Variants in ELK4 observed in about 807,000 individuals in gnomAD.
ELK4 encodes the protein ETS domain-containing protein Elk-4.
In ELK4, 16 loss-of-function variants were observed where a neutral mutation model predicts 29.6. The observed-to-expected ratio is 0.54, with a 90% confidence interval of 0.37 to 0.82. The LOEUF is 0.82. Ranked by LOEUF, ELK4 falls within the 40% of genes least tolerant of loss-of-function variation. ELK4 has a pLI of 0.00. For missense variants in ELK4, 465 were observed against 507.1 expected, an observed-to-expected ratio of 0.92 and a Z score of 0.80; for synonymous variants, 213 against 191.1, an observed-to-expected ratio of 1.11 and a Z score of -0.95.
chr1:205,613,524 C>A lies in ELK4; in HGVS notation c.*3022G>T. ...TCTGAGCCAACTGTGCACATCCTTT[C>A]TGAACTCTAAGGTGGTAGCTTGAAA... is the stretch of plus-strand genomic sequence containing the variant. On this transcript the variant is annotated 3_prime_UTR_variant, in exon 5 of 5. Transcript: ENST00000357992. 5.4e-6 allele frequency: 1 copy of A among 183,520 alleles called. No individual in the cohort carries two copies. Among genetic ancestry groups the A allele is most frequent in the Middle Eastern group, 2.0e-3 (1 of 504 alleles). 11.4% of individuals were successfully genotyped at this position (183,520 alleles called of 1,614,324 possible).
At chr1:205,628,285 G>A (rs748538426) in intron 1 of ELK4, among the ~76,000 whole-genome samples, 8 of 152,138 alleles carry the variant, frequency 5.3e-5, no homozygotes. Context: ...CCTAATGATG[G>A]CAAGTTACCG....
chr1:205,626,628 G>C (rs942227025), intron 1 of ELK4, among the ~76,000 whole-genome samples: 1 of 152,078 alleles, frequency 6.6e-6, no homozygotes, highest in Non-Finnish European at 1.5e-5. Flanking sequence ...AAAACCATCT[G>C]AGAAACCACT....
At chr1:205,622,487 G>A (rs1199825964) in intron 2 of ELK4, among the ~76,000 whole-genome samples, 1 of 152,134 alleles carries the variant, frequency 6.6e-6, no homozygotes, top group Non-Finnish European at 1.5e-5. Context: ...TCAACCACTT[G>A]AGCTTAAGTG....
chr1:205,616,564 T>C lies in ELK4; in HGVS notation c.1278A>G (p.Pro426=). ...DGPSTPGPFS[P]DLQKT ...GCATAGGTTATGTCTTCTGTAGGTC[T>C]GGGGAAAATGGGCCAGGGGTGGAAG... The change falls in exon 5 of 5, where the codon CCA becomes CCG. Residue 426 remains proline, a synonymous_variant. Transcript: ENST00000357992. 6.2e-7 allele frequency: 1 copy of C among 1,614,166 alleles called. No homozygotes were observed. Among genetic ancestry groups the C allele is most frequent in the Non-Finnish European group, 8.5e-7 (1 of 1,180,014 alleles).
chr1:205,631,484 G>C (rs1265330623), intron 1 of ELK4, 148 bp downstream of exon 1: 1 of 149,790 alleles, frequency 6.7e-6, no homozygotes, highest in Non-Finnish European at 1.5e-5. Flanking sequence ...CGGGCCGGGG[G>C]CGGACCCAAG....
Position 205,610,060 on chromosome 1 carries a change from G to A in ELK4, c.*6486C>T. On this transcript the variant is annotated 3_prime_UTR_variant, in exon 5 of 5. Transcript: ENST00000357992. ...AGTGCTAATATTGGTGCCCAAGAAA[G>A]TGCCAAGTGATTAACACCAATATAT... The A allele has an allele frequency of 4.3e-6, 1 of 231,906 alleles. No individual in the cohort carries two copies. The highest frequency in any genetic ancestry group is 8.5e-6 in the Non-Finnish European group (1 of 117,186). The allele number at this position is 231,906 out of a possible 1,614,324, so 14.4% of individuals were successfully genotyped here.
chr1:205,610,406 G>A lies in ELK4; in HGVS notation c.*6140C>T, dbSNP rs900013085. 12 of 230,408 alleles carry A rather than the reference G, an allele frequency of 5.2e-5. No homozygotes were observed. Among genetic ancestry groups the A allele is most frequent in the Admixed American group, 1.1e-4 (2 of 17,668 alleles). The allele number at this position is 230,408 out of a possible 1,614,324, so 14.3% of individuals were successfully genotyped here. A position where few individuals can be genotyped will look rare whatever the true frequency, so the allele number is the denominator to read the frequency against. On this transcript the variant is annotated 3_prime_UTR_variant, in exon 5 of 5. Coordinates refer to ENST00000357992, the MANE Select transcript of ELK4 (RefSeq NM_001973.4). Reference sequence around the variant, plus strand: ...CCACTACTGTATTCAATCCATGGTCGAATCTCTGTACTTTAGAAATACTGC... The same window carrying A: ...CCACTACTGTATTCAATCCATGGTCAAATCTCTGTACTTTAGAAATACTGC...
chr1:205,619,278 T>G, intron 3 of ELK4: 1 of 1,051,500 alleles, frequency 9.5e-7, no homozygotes. Context: ...TTAAAATTTT[T>G]TAAATTTTTA....
At chr1:205,621,330 G>T (rs892503615) in intron 2 of ELK4, among the ~76,000 whole-genome samples, 1 of 151,726 alleles carries the variant, frequency 6.6e-6, no homozygotes, top group Non-Finnish European at 1.5e-5. Context: ...CTACTATTAT[G>T]GAGAAGTTAA....
rs1020810460 is a variant in ELK4 at position 205,611,501 on chromosome 1, G to C, written c.*5045C>G. 4 of 208,456 alleles carry C rather than the reference G, an allele frequency of 1.9e-5. No homozygotes were observed. The highest frequency in any genetic ancestry group is 9.8e-6 in the Non-Finnish European group (1 of 102,322). The allele number at this position is 208,456 out of a possible 1,614,324, so 12.9% of individuals were successfully genotyped here. On this transcript the variant is annotated 3_prime_UTR_variant, in exon 5 of 5. Coordinates refer to ENST00000357992, the MANE Select transcript of ELK4 (RefSeq NM_001973.4). ...ACATTAAAACAATAACAAAACATTTGTTGATCCCAAACCAAGAATATAATT... is the reference window on the plus strand; with the variant it reads ...ACATTAAAACAATAACAAAACATTTCTTGATCCCAAACCAAGAATATAATT...
intron 4 of ELK4, among the ~76,000 whole-genome samples, chr1:205,618,319 C>T (rs943658359): frequency 1.3e-5 from 2 of 152,092 alleles, no homozygotes; most frequent in African/African-American, 4.8e-5. Context: ...GCATGACACA[C>T]ACACTGCCTG....
chr1:205,616,757 G>A lies in ELK4; in HGVS notation c.1198-113C>T, dbSNP rs575593470. The A allele has an allele frequency of 7.7e-6, 6 of 780,978 alleles. No homozygotes were observed. In the African/African-American group the frequency reaches 8.7e-5, roughly 11 times the overall value. The allele number at this position is 780,978 out of a possible 1,614,324, so 48.4% of individuals were successfully genotyped here. A position where few individuals can be genotyped will look rare whatever the true frequency, so the allele number is the denominator to read the frequency against. The stretch of plus-strand genomic sequence containing the variant: ...CAACAGCCTTCTGTAATGGCTCACA[G>A]GACAAAGGCAGTGGCTGTTTATCAT... On this transcript the variant is annotated intron_variant, in intron 4 of 4. Transcript: ENST00000357992.
chr1:205,629,126 G>A (rs1176043467), intron 1 of ELK4, among the ~76,000 whole-genome samples: 2 of 137,638 alleles, frequency 1.5e-5, no homozygotes, highest in African/African-American at 2.8e-5. Context: ...AGCCGAGATC[G>A]TGCCACTGCA....
At position 205,630,867 on chromosome 1, in the gene ELK4, GGATCT is replaced by G. The variant is rs1379010563; in HGVS notation, c.-10+760_-10+764del. 1.3e-4 allele frequency among the ~76,000 whole-genome samples: 20 copies of G among 152,264 alleles called. No homozygotes were observed. In the East Asian group the frequency reaches 3.1e-3, roughly 23 times the overall value. ...GTAGGGGGTGGGAAAAGACGACAGA[GGATCT>G]GATCTATCAACCAAAGAGATGGACA... is the stretch of plus-strand genomic sequence containing the variant. On this transcript the variant is annotated intron_variant, in intron 1 of 4. Coordinates refer to ENST00000357992, the MANE Select transcript of ELK4 (RefSeq NM_001973.4).
At chr1:205,621,438 G>A (rs963572266) in intron 2 of ELK4, among the ~76,000 whole-genome samples, 2 of 152,136 alleles carry the variant, frequency 1.3e-5, no homozygotes, top group African/African-American at 4.8e-5. Context: ...AAATATCTGT[G>A]CAGATTAGAA....
chr1:205,620,178 T>G lies in ELK4; in HGVS notation c.868A>C (p.Met290Leu). The G allele has an allele frequency of 6.2e-7, 1 of 1,614,230 alleles. No individual in the cohort carries two copies. The highest frequency in any genetic ancestry group is 1.1e-5 in the South Asian group (1 of 91,086). The change falls in exon 3 of 5, where the codon ATG (methionine) becomes CTG (leucine). Residue 290 changes from methionine (M) to leucine (L), a missense_variant. Coordinates refer to ENST00000357992, the MANE Select transcript of ELK4 (RefSeq NM_001973.4). ...AGTGACAAATTCTCTGGAAGTTCCA[T>G]TGGCTGAGAAGCCACTGAATCAATG... ...TDIDSVASQP[M>L]ELPENLSLEP...
At position 205,620,439 on chromosome 1, in the gene ELK4, G is replaced by T; in HGVS notation, c.607C>A (p.Pro203Thr). 2 of 1,614,188 alleles carry T rather than the reference G, an allele frequency of 1.2e-6. No homozygotes were observed. Among genetic ancestry groups the T allele is most frequent in the South Asian group, 2.2e-5 (2 of 91,076 alleles). ...TTPSKKPPVE[P>T]VAATISIGPS... ...CCAATTGAAATGGTGGCAGCAACAGGTTCAACCGGTGGCTTTTTGGAAGGT... is the reference window on the plus strand; with the variant it reads ...CCAATTGAAATGGTGGCAGCAACAGTTTCAACCGGTGGCTTTTTGGAAGGT... The change falls in exon 3 of 5, where the codon CCT (proline) becomes ACT (threonine). Residue 203 changes from proline (P) to threonine (T), a missense_variant. This residue lies in a region of ELK4 where 385 missense variants were observed against 387.5 expected (regional missense o/e 0.99). Coordinates refer to ENST00000357992, the MANE Select transcript of ELK4 (RefSeq NM_001973.4).
Position 205,611,790 on chromosome 1 carries a change from C to A in ELK4, c.*4756G>T, listed in dbSNP as rs1202558780. 1 of 194,098 alleles carries A rather than the reference C, an allele frequency of 5.2e-6. No individual in the cohort carries two copies. Among genetic ancestry groups the A allele is most frequent in the East Asian group, 8.1e-5 (1 of 12,302 alleles). The allele number at this position is 194,098 out of a possible 1,614,324, so 12.0% of individuals were successfully genotyped here. A position where few individuals can be genotyped will look rare whatever the true frequency, so the allele number is the denominator to read the frequency against. ...ATTGGTCTCCAAACTTGTTTTCATACCTAAGAATGGCACCTAAGCACGATT... is the reference window on the plus strand; with the variant it reads ...ATTGGTCTCCAAACTTGTTTTCATAACTAAGAATGGCACCTAAGCACGATT... On this transcript the variant is annotated 3_prime_UTR_variant, in exon 5 of 5. Transcript: ENST00000357992.
In ELK4 at chr1:205,616,443, C is replaced by T; in HGVS notation, c.*103G>A. 1 of 1,041,968 alleles carries T rather than the reference C, an allele frequency of 9.6e-7. No homozygotes were observed. Among genetic ancestry groups the T allele is most frequent in the Non-Finnish European group, 1.4e-6 (1 of 696,354 alleles). 64.5% of individuals were successfully genotyped at this position (1,041,968 alleles called of 1,614,324 possible). ...GGGGAATGGCAAAAATCACAATAGT[C>T]TATTATCAGCATTGTAGAACTATCA... On this transcript the variant is annotated 3_prime_UTR_variant, in exon 5 of 5. Coordinates refer to ENST00000357992, the MANE Select transcript of ELK4 (RefSeq NM_001973.4).
Sources: gnomAD v4.1 joint callset for allele counts (sites outside exome capture counted in the v4.1 genomes callset) on GRCh38, gnomAD v4.1.1 for gene constraint, gnomAD v4.1.1 regional missense constraint, MANE v1.5 for transcripts, NCBI Gene and HGNC (gene_info 2026-07-23, HGNC 2026-07-21) for gene names.